Variants in CNTN1 observed in about 807,000 individuals in gnomAD.
CNTN1 encodes contactin-1.
A neutral mutation model predicts 126.4 loss-of-function variants in CNTN1; 38 were observed. The ratio of observed to expected loss-of-function variants is 0.30; its 90% CI spans 0.23 to 0.39. CNTN1 has a LOEUF of 0.39. Ranked by LOEUF, CNTN1 falls within the 10% of genes least tolerant of loss-of-function variation. The pLI, the probability that CNTN1 is intolerant of heterozygous loss-of-function variation, is 1.00. For synonymous variants in CNTN1, 413 were observed against 422.6 expected (o/e 0.98, Z 0.28); for missense variants, 1,009 against 1,248.4 (o/e 0.81, Z 2.89).
chr12:40,905,985 AG>A (rs1461601994), intron 1 of CNTN1, among the ~76,000 whole-genome samples: 3 of 152,192 alleles, frequency 2.0e-5, no homozygotes, highest in Non-Finnish European at 4.4e-5. Flanking sequence ...GTCCTCTAAA[AG>A]AATTGTTGGC....
At chr12:40,900,279 T>G (rs1200778041) in intron 1 of CNTN1, among the ~76,000 whole-genome samples, 2 of 152,250 alleles carry the variant, frequency 1.3e-5, no homozygotes, top group African/African-American at 2.4e-5. Context: ...TTGTGATATT[T>G]ATAGCATATA....
At chr12:40,765,134 A>G (rs1437555418) in intron 1 of CNTN1, among the ~76,000 whole-genome samples, 1 of 151,870 alleles carries the variant, frequency 6.6e-6, no homozygotes, top group African/African-American at 2.4e-5. Context: ...GATATTGTTG[A>G]CAAGATTGAT....
intron 15 of CNTN1, among the ~76,000 whole-genome samples, chr12:40,965,861 G>A (rs182885491): frequency 6.6e-4 from 101 of 152,054 alleles, no homozygotes; most frequent in African/African-American, 2.0e-3. Flanking sequence ...TTAAGGTATG[G>A]CAGGCCAAAA....
intron 1 of CNTN1, among the ~76,000 whole-genome samples, chr12:40,787,566 A>G (rs1940071876): frequency 6.6e-6 from 1 of 152,164 alleles, no homozygotes; most frequent in African/African-American, 2.4e-5. Context: ...GAGCATGACT[A>G]ATATAAGAAA....
intron 1 of CNTN1, among the ~76,000 whole-genome samples, chr12:40,705,988 C>T (rs1247043687): frequency 6.6e-6 from 1 of 151,904 alleles, no homozygotes; most frequent in Non-Finnish European, 1.5e-5. Context: ...GAGAAATCTA[C>T]CCCAGGATCC....
At chr12:40,936,934 C>T in intron 10 of CNTN1, 29 bp downstream of exon 10, 1 of 1,611,402 alleles carries the variant, frequency 6.2e-7, no homozygotes, top group East Asian at 2.2e-5. Context: ...TTTGCTGTTC[C>T]TGAGTCCCTG....
chr12:40,870,976 CT>C (rs1266803662), intron 1 of CNTN1, among the ~76,000 whole-genome samples: 14 of 151,942 alleles, frequency 9.2e-5, no homozygotes, highest in African/African-American at 3.4e-4. Flanking sequence ...TGAAGCATAC[CT>C]GAATTTTGTG....
intron 1 of CNTN1, among the ~76,000 whole-genome samples, chr12:40,844,068 G>GCTTTTTTTTTTTTTTTTTTTTTT (rs1424373022): frequency 2.5e-5 from 1 of 40,238 alleles, no homozygotes; most frequent in Non-Finnish European, 5.2e-5. Flanking sequence ...TTGGCACAAT[G>GCTTTTTTTTTTTTTTTTTTTTTT]ATTTTTTTTT....
intron 6 of CNTN1, among the ~76,000 whole-genome samples, chr12:40,925,571 GTATATACGTATATATACATGTATATATA>G (rs1470691438): frequency 7.3e-4 from 95 of 130,386 alleles, no homozygotes; most frequent in South Asian, 5.9e-3. Flanking sequence ...GTATATATAC[GTATATACGTATATATACATGTATATATA>G]TATATACGTG....
intron 1 of CNTN1, among the ~76,000 whole-genome samples, chr12:40,904,159 C>A (rs1267143162): frequency 2.6e-5 from 4 of 152,172 alleles, no homozygotes; most frequent in Admixed American, 2.0e-4. Context: ...GCTGGGACTA[C>A]AGGCGCCTGC....
intron 1 of CNTN1, among the ~76,000 whole-genome samples, chr12:40,903,238 G>A (rs1944672036): frequency 6.6e-6 from 1 of 152,202 alleles, no homozygotes; most frequent in Admixed American, 6.5e-5. Flanking sequence ...ACAGGGCTCT[G>A]AAGGCTGACA....
At chr12:40,831,601 G>A (rs1213900887) in intron 1 of CNTN1, among the ~76,000 whole-genome samples, 4 of 152,114 alleles carry the variant, frequency 2.6e-5, no homozygotes, top group Non-Finnish European at 5.9e-5. Flanking sequence ...ATGCTCTTAA[G>A]GGTTGACTCT....
At chr12:40,768,443 C>G (rs1939208772) in intron 1 of CNTN1, among the ~76,000 whole-genome samples, 1 of 152,192 alleles carries the variant, frequency 6.6e-6, no homozygotes, top group Admixed American at 6.5e-5. Context: ...GAAATCATAT[C>G]CTTTATAGAA....
At chr12:40,850,384 C>G (rs2136614617) in intron 1 of CNTN1, among the ~76,000 whole-genome samples, 1 of 152,112 alleles carries the variant, frequency 6.6e-6, no homozygotes, top group Non-Finnish European at 1.5e-5. Context: ...ACTTTTCAGC[C>G]ATTATGTTAG....
intron 23 of CNTN1, among the ~76,000 whole-genome samples, chr12:41,067,705 A>G (rs915170172): frequency 2.0e-5 from 3 of 151,456 alleles, no homozygotes; most frequent in Admixed American, 6.6e-5. Context: ...AGCATGGCAC[A>G]TGTATACATA....
rs952470533 is a variant in CNTN1 at position 40,713,452 on chromosome 12, A to G, written c.-77+20860A>G. ...TTGTTTATATTATACTAAATAAAGT[A>G]TATATATATATATTTAAATGCAGAA... On this transcript the variant is annotated intron_variant, in intron 1 of 23. Transcript: ENST00000551295. Among the ~76,000 whole-genome samples, 3 of 108,682 alleles carry G rather than the reference A, an allele frequency of 2.8e-5. No individual in the cohort carries two copies. The East Asian group carries it at 2.2e-3, about 81-fold the overall frequency. The allele number at this position is 108,682 out of a possible 152,430, so 71.3% of individuals were successfully genotyped here.
intron 7 of CNTN1, among the ~76,000 whole-genome samples, chr12:40,930,998 C>T (rs1391922904): frequency 6.6e-6 from 1 of 151,916 alleles, no homozygotes; most frequent in East Asian, 1.9e-4. Flanking sequence ...TTCAGCACTT[C>T]TATTTATTTT....
In CNTN1 at chr12:40,920,430, TA is replaced by T. The variant is rs1565949368; in HGVS notation, c.227+1661del. Among the ~76,000 whole-genome samples, 9 of 151,616 alleles carry T rather than the reference TA, an allele frequency of 5.9e-5. No individual in the cohort carries two copies. In the South Asian group the frequency reaches 1.9e-3, roughly 32 times the overall value. ...GAGTTTGGCCTGGTTATCCATACAC[TA>T]ATAGACAGAACTGGAGAAGACAGAT... On this transcript the variant is annotated intron_variant, in intron 4 of 23. Coordinates refer to ENST00000551295, the MANE Select transcript of CNTN1 (RefSeq NM_001843.4).
At chr12:40,802,998 G>A in intron 1 of CNTN1, among the ~76,000 whole-genome samples, 1 of 151,930 alleles carries the variant, frequency 6.6e-6, no homozygotes, top group East Asian at 1.9e-4. Context: ...AAAATTGTTT[G>A]GAGAAATGCT....
Sources: allele counts gnomAD v4.1 joint callset (sites outside exome capture counted in the v4.1 genomes callset), GRCh38; gene constraint gnomAD v4.1.1; transcripts MANE v1.5; gene names NCBI Gene and HGNC (gene_info 2026-07-23, HGNC 2026-07-21).